The following MBNL2 variants were observed in gnomAD, a reference collection of about 807,000 sequenced individuals.
The protein encoded by MBNL2 is muscleblind like splicing regulator 2, also known as muscleblind-like protein 2.
In MBNL2, 17 loss-of-function variants were observed where a neutral mutation model predicts 41.9. That is an observed-to-expected ratio of 0.41 (90% CI 0.28 to 0.61). MBNL2 has a LOEUF of 0.61. MBNL2 is among the 20% of genes least tolerant of loss of function. MBNL2 has a pLI of 0.35. For missense variants in MBNL2, 336 were observed against 505.6 expected (o/e 0.66, Z 3.22); for synonymous variants, 195 against 182.9 (o/e 1.07, Z -0.53).
Position 97,343,001 on chromosome 13 carries a change from G to T in MBNL2, c.340-15G>T, listed in dbSNP as rs1226472956. The T allele has an allele frequency of 1.3e-6, 2 of 1,550,242 alleles. No individual in the cohort carries two copies. Among genetic ancestry groups the T allele is most frequent in the Admixed American group, 1.7e-5 (1 of 59,416 alleles). Reference sequence around the variant, plus strand: ...TCTAAATAACTCTTTCTCCTGTGTTGTCTTCCTTTAACAGCCCACTTTCCC... The same window carrying T: ...TCTAAATAACTCTTTCTCCTGTGTTTTCTTCCTTTAACAGCCCACTTTCCC... On this transcript the variant is annotated splice_polypyrimidine_tract_variant and intron_variant, in intron 3 of 8. Transcript: ENST00000679496.
chr13:97,283,445 G>T (rs61972586), intron 2 of MBNL2, among the ~76,000 whole-genome samples: 2 of 151,840 alleles, frequency 1.3e-5, no homozygotes, highest in African/African-American at 4.8e-5. Flanking sequence ...CCCACCCCTG[G>T]GTGCCTTGTT....
the MBNL2 span, among the ~76,000 whole-genome samples, chr13:97,157,019 C>T: frequency 6.0e-5 from 9 of 149,238 alleles, no homozygotes; most frequent in South Asian, 4.3e-4. Flanking sequence ...ATTCTTCCTA[C>T]CCATGAGCAT....
intron 8 of MBNL2, among the ~76,000 whole-genome samples, chr13:97,368,418 T>TAAAATA: frequency 6.6e-6 from 1 of 151,022 alleles, no homozygotes; most frequent in African/African-American, 2.5e-5. Flanking sequence ...TGTCTTAAAA[T>TAAAATA]AAAATAAAAT....
intron 5 of MBNL2, among the ~76,000 whole-genome samples, chr13:97,348,911 A>T (rs575400512): frequency 6.6e-6 from 1 of 152,356 alleles, no homozygotes; most frequent in South Asian, 2.1e-4. Context: ...GATCAGTGAT[A>T]GGGATACAGC....
intron 8 of MBNL2, among the ~76,000 whole-genome samples, chr13:97,390,314 A>T (rs187548370): frequency 1.9e-4 from 26 of 136,900 alleles, no homozygotes; most frequent in Admixed American, 1.3e-3. Context: ...GAGAAATTAT[A>T]CATAACAGGA....
the MBNL2 span, among the ~76,000 whole-genome samples, chr13:97,185,829 C>A: frequency 1.3e-5 from 2 of 152,350 alleles, no homozygotes; most frequent in East Asian, 3.9e-4. Context: ...CCACAGGAAA[C>A]TAATCAAATT....
At chr13:97,144,897 G>C in the MBNL2 span, among the ~76,000 whole-genome samples, 1 of 152,216 alleles carries the variant, frequency 6.6e-6, no homozygotes, top group African/African-American at 2.4e-5. Flanking sequence ...CTGACATAGA[G>C]CTGTGAAGGT....
At chr13:97,243,040 A>G (rs1272531091) in intron 1 of MBNL2, among the ~76,000 whole-genome samples, 1 of 152,152 alleles carries the variant, frequency 6.6e-6, no homozygotes, top group Non-Finnish European at 1.5e-5. Context: ...AAGCTTGGGC[A>G]TGAGCTCAGA....
rs763197442 is a variant in MBNL2, at chr13:97,366,554, G to A, written c.1048+1383G>A. 1 of 1,599,472 alleles carries A rather than the reference G, an allele frequency of 6.3e-7. No homozygotes were observed. The highest frequency in any genetic ancestry group is 8.6e-7 in the Non-Finnish European group (1 of 1,167,898). On this transcript the variant is annotated intron_variant, in intron 8 of 8. Coordinates refer to ENST00000679496, the MANE Select transcript of MBNL2 (RefSeq NM_001382683.1). The surrounding 1 kb of genome is among the most constrained non-coding windows in gnomAD (Gnocchi z 4.7). ...CGCAGCAACAGCCACAGCCAATCAG[G>A]TTTGCTCCTTTTAAAGCTTTCTTTC... is the stretch of plus-strand genomic sequence containing the variant.
chr13:97,359,623 T>C (rs1208347194), intron 7 of MBNL2, among the ~76,000 whole-genome samples: 1 of 152,188 alleles, frequency 6.6e-6, no homozygotes, highest in African/African-American at 2.4e-5. Context: ...TACGGCTACA[T>C]TGGCTGCTGT....
At chr13:97,209,266 A>G in the MBNL2 span, among the ~76,000 whole-genome samples, 1 of 152,230 alleles carries the variant, frequency 6.6e-6, no homozygotes, top group Non-Finnish European at 1.5e-5. Context: ...ACTCCCTGTC[A>G]AAACATGTTA....
chr13:97,330,627 C>A (rs977125459), intron 2 of MBNL2, among the ~76,000 whole-genome samples: 5 of 152,184 alleles, frequency 3.3e-5, no homozygotes, highest in Non-Finnish European at 4.4e-5. Flanking sequence ...CACAATGATA[C>A]ACAAAGACGC....
intron 5 of MBNL2, among the ~76,000 whole-genome samples, chr13:97,352,840 G>T (rs2062625772): frequency 6.6e-6 from 1 of 152,180 alleles, no homozygotes; most frequent in South Asian, 2.1e-4. Flanking sequence ...GCTGAGCCCT[G>T]ATTTCATCTG....
At chr13:97,180,749 A>AT in the MBNL2 span, among the ~76,000 whole-genome samples, 14,331 of 151,430 alleles carry the variant, frequency 0.095, 832 homozygotes, top group South Asian at 0.17. Context: ...CTAAAAAAAA[A>AT]AAAAAAAAAA....
intron 4 of MBNL2, among the ~76,000 whole-genome samples, chr13:97,344,965 A>G (rs147304510): frequency 9.1e-4 from 138 of 152,392 alleles, no homozygotes; most frequent in African/African-American, 3.0e-3. Flanking sequence ...CTATGATGCT[A>G]TCAGACAGAA....
chr13:97,276,932 T>C (rs1462222832), intron 2 of MBNL2, among the ~76,000 whole-genome samples: 3 of 152,138 alleles, frequency 2.0e-5, no homozygotes, highest in East Asian at 3.9e-4. Context: ...ATCTACTTCA[T>C]GTGAGTTATA....
At chr13:97,289,084 C>T (rs2055265131) in intron 2 of MBNL2, among the ~76,000 whole-genome samples, 1 of 152,174 alleles carries the variant, frequency 6.6e-6, no homozygotes, top group Non-Finnish European at 1.5e-5. Flanking sequence ...GATTATATTT[C>T]ATTTAGATTA....
At position 97,334,554 on chromosome 13, in the gene MBNL2, C is replaced by A. The variant is rs930801120; in HGVS notation, c.339+114C>A. 4 of 655,716 alleles carry A rather than the reference C, an allele frequency of 6.1e-6. No homozygotes were observed. The highest frequency in any genetic ancestry group is 5.6e-5 in the African/African-American group (3 of 53,270). The allele number at this position is 655,716 out of a possible 1,614,324, so 40.6% of individuals were successfully genotyped here. ...TTTGTCACTTTGGTTACAATTAAAG[C>A]AAATAGCTTTAAAGCTCAATAGATG... On this transcript the variant is annotated intron_variant, in intron 3 of 8. Transcript: ENST00000679496. This position sits in a 1 kb window ranked among gnomAD's most constrained non-coding sequence, Gnocchi z 5.3.
intron 1 of MBNL2, among the ~76,000 whole-genome samples, chr13:97,257,862 T>G (rs2047854463): frequency 6.6e-6 from 1 of 152,226 alleles, no homozygotes; most frequent in African/African-American, 2.4e-5. Flanking sequence ...TCTCAGAAGT[T>G]GCTCGCGCCC....
Sources: gnomAD v4.1 joint callset for allele counts (sites outside exome capture counted in the v4.1 genomes callset) on GRCh38, gnomAD v4.1.1 for gene constraint, Gnocchi (gnomAD v3.1) non-coding constraint, MANE v1.5 for transcripts, NCBI Gene and HGNC (gene_info 2026-07-23, HGNC 2026-07-21) for gene names.